LOXHD1: variants seen among roughly 807,000 people sequenced by gnomAD.
The protein encoded by LOXHD1 is lipoxygenase homology PLAT domains 1.
A neutral mutation model predicts 248.2 loss-of-function variants in LOXHD1; 205 were observed. That is an observed-to-expected ratio of 0.83 (90% CI 0.74 to 0.93). LOXHD1 has a LOEUF of 0.93. Ranked by LOEUF, LOXHD1 falls within the 40% of genes least tolerant of loss-of-function variation. The pLI is 0.00. For missense variants in LOXHD1, 2,930 were observed against 2,971.6 expected (o/e 0.99, Z 0.33); for synonymous variants, 1,113 against 1,162.8 (o/e 0.96, Z 0.87).
intron 5 of LOXHD1, among the ~76,000 whole-genome samples, chr18:46,612,730 T>C (rs1463891244): frequency 6.6e-6 from 1 of 152,144 alleles, no homozygotes; most frequent in Non-Finnish European, 1.5e-5. Context: ...AAAAATTTTT[T>C]ATTTTTGTTT....
rs760127693 is a variant in LOXHD1, at chr18:46,547,067, G to T, written c.3351-9C>A. 1 of 1,551,710 alleles carries T rather than the reference G, an allele frequency of 6.4e-7. No individual in the cohort carries two copies. The highest frequency in any genetic ancestry group is 1.2e-5 in the South Asian group (1 of 84,052). On this transcript the variant is annotated splice_polypyrimidine_tract_variant and intron_variant, in intron 21 of 40. Transcript: ENST00000642948. ...GGCATGGAAAGTAGTACCTGTGGGGGTGGATAGGGAAAGATTGGAATGTCC... is the reference window on the plus strand; with the variant it reads ...GGCATGGAAAGTAGTACCTGTGGGGTTGGATAGGGAAAGATTGGAATGTCC...
At chr18:46,593,862 G>A (rs1348150873) in intron 9 of LOXHD1, 102 bp from the exon 10 acceptor site, 3 of 1,276,040 alleles carry the variant, frequency 2.4e-6, no homozygotes, top group Non-Finnish European at 3.3e-6. Context: ...GGACTGAAGG[G>A]CGGGGTATAC....
chr18:46,572,246 T>C (rs2037766830), intron 14 of LOXHD1, 84 bp from the exon 15 acceptor site: 2 of 1,199,674 alleles, frequency 1.7e-6, no homozygotes, highest in African/African-American at 1.5e-5. Context: ...AGAGTCACTA[T>C]GGAGGCCCAG....
In LOXHD1 at chr18:46,577,726, C is replaced by G. The variant is rs769377709; in HGVS notation, c.1951G>C (p.Val651Leu). ...ATGTACCTGAGACATGGGAACTCCA[C>G]GTTGTCGCTCTCAGGCTGCCCCTCC... is the stretch of plus-strand genomic sequence containing the variant. ...REEGQPESDN[V>L]EFPCLRWLDK... The change falls in exon 14 of 41, where the codon GTG becomes CTG. Residue 651 changes from valine to leucine, a missense_variant. Physicochemically the swap from Val to Leu is conservative, Grantham distance 32. Coordinates refer to ENST00000642948, the MANE Select transcript of LOXHD1 (RefSeq NM_001384474.1). 8 of 1,551,356 alleles carry G rather than the reference C, an allele frequency of 5.2e-6. No individual in the cohort carries two copies. Among genetic ancestry groups the G allele is most frequent in the Non-Finnish European group, 7.0e-6 (8 of 1,146,826 alleles).
At position 46,608,035 on chromosome 18, in the gene LOXHD1, G is replaced by GGGAAGGAAGGAAGGAAGGAAACAA. The variant is rs1555685816; in HGVS notation, c.759+2740_759+2741insTTGTTTCCTTCCTTCCTTCCTTCC. Among the ~76,000 whole-genome samples the GGGAAGGAAGGAAGGAAGGAAACAA allele has an allele frequency of 1.7e-3, 184 of 111,362 alleles. 2 individuals are homozygous for GGGAAGGAAGGAAGGAAGGAAACAA. Among genetic ancestry groups the GGGAAGGAAGGAAGGAAGGAAACAA allele is most frequent in the African/African-American group, 5.5e-3 (169 of 30,788 alleles). The allele number at this position is 111,362 out of a possible 152,430, so 73.1% of individuals were successfully genotyped here. A position where few individuals can be genotyped will look rare whatever the true frequency, so the allele number is the denominator to read the frequency against. On this transcript the variant is annotated intron_variant, in intron 6 of 40. Coordinates refer to ENST00000642948, the MANE Select transcript of LOXHD1 (RefSeq NM_001384474.1). The stretch of plus-strand genomic sequence containing the variant: ...TTAAAAACAAACACGGAAGGAAGGA[G>GGGAAGGAAGGAAGGAAGGAAACAA]GGAAGGAAGGAAGGAAGGAAGGAAG...
intron 37 of LOXHD1, among the ~76,000 whole-genome samples, chr18:46,504,325 C>A (rs537393293): frequency 4.3e-4 from 66 of 152,252 alleles, no homozygotes; most frequent in African/African-American, 1.4e-3. Context: ...AGGCTAGTCT[C>A]AAATTCCTGG....
intron 37 of LOXHD1, among the ~76,000 whole-genome samples, chr18:46,489,378 G>C (rs1342728929): frequency 6.6e-6 from 1 of 152,198 alleles, no homozygotes; most frequent in Non-Finnish European, 1.5e-5. Context: ...ATGAACCCTA[G>C]AGGATTTGTG....
intron 8 of LOXHD1, among the ~76,000 whole-genome samples, chr18:46,595,556 A>G (rs1392059470): frequency 2.0e-5 from 3 of 152,234 alleles, no homozygotes; most frequent in African/African-American, 4.8e-5. Flanking sequence ...AACAAGGAAT[A>G]TAAGTATTCC....
At chr18:46,518,362 G>A in intron 33 of LOXHD1, 106 bp from the exon 34 acceptor site, 1 of 1,348,798 alleles carries the variant, frequency 7.4e-7, no homozygotes, top group African/African-American at 1.5e-5. Context: ...AAGTTCCACA[G>A]CTCTGGAAAG....
At chr18:46,639,882 C>G in intron 3 of LOXHD1, 82 bp from the exon 4 acceptor site, 1 of 1,476,504 alleles carries the variant, frequency 6.8e-7, no homozygotes. Flanking sequence ...CAGATGTTTA[C>G]TCCAAAGAGA....
intron 14 of LOXHD1, among the ~76,000 whole-genome samples, chr18:46,575,554 T>G (rs2037836921): frequency 7.2e-5 from 11 of 152,174 alleles, no homozygotes; most frequent in Middle Eastern, 3.4e-3. Context: ...CAGATATATA[T>G]AGAGGAAGAT....
intron 34 of LOXHD1, among the ~76,000 whole-genome samples, chr18:46,510,717 A>C (rs953977278): frequency 1.3e-5 from 2 of 152,214 alleles, no homozygotes; most frequent in Non-Finnish European, 2.9e-5. Flanking sequence ...AAATATTGCA[A>C]ATTGAGAACT....
chr18:46,528,316 G>A (rs565140669), intron 29 of LOXHD1, among the ~76,000 whole-genome samples: 35 of 152,216 alleles, frequency 2.3e-4, no homozygotes, highest in African/African-American at 8.2e-4. Flanking sequence ...AGGCTGAGGA[G>A]CAAGGGCGGG....
chr18:46,504,976 A>G (rs1461845254), intron 37 of LOXHD1, among the ~76,000 whole-genome samples: 3 of 152,262 alleles, frequency 2.0e-5, no homozygotes, highest in Non-Finnish European at 4.4e-5. Context: ...CAGAGAAAAT[A>G]AAGTGGCTTA....
At chr18:46,494,310 T>C (rs1409728952) in intron 37 of LOXHD1, among the ~76,000 whole-genome samples, 1 of 152,190 alleles carries the variant, frequency 6.6e-6, no homozygotes, top group Admixed American at 6.5e-5. Flanking sequence ...ATAGAACTGA[T>C]CAATGATTTT....
chr18:46,641,431 G>A (rs2038961877), intron 3 of LOXHD1, among the ~76,000 whole-genome samples: 1 of 152,192 alleles, frequency 6.6e-6, no homozygotes, highest in South Asian at 2.1e-4. Context: ...AGCCCCCAGA[G>A]AGGGCAAGAC....
intron 7 of LOXHD1, 59 bp from the exon 8 acceptor site, chr18:46,601,526 C>T: frequency 6.5e-7 from 1 of 1,549,042 alleles, no homozygotes; most frequent in South Asian, 1.2e-5. Flanking sequence ...TAATATCCCA[C>T]CCCCTCCTCC....
At chr18:46,594,286 G>A (rs1324287787) in intron 9 of LOXHD1, 45 bp downstream of exon 9, 1 of 1,549,764 alleles carries the variant, frequency 6.5e-7, no homozygotes, top group African/African-American at 1.4e-5. Flanking sequence ...GGCCTCTGCT[G>A]ACCCTGGCTG....
At chr18:46,580,176 C>T (rs866891670) in intron 12 of LOXHD1, among the ~76,000 whole-genome samples, 2 of 152,214 alleles carry the variant, frequency 1.3e-5, no homozygotes, top group South Asian at 2.1e-4. Context: ...GAATTGCTTC[C>T]AAGCTTTCTT....
Sources: gnomAD v4.1 joint callset for allele counts (sites outside exome capture counted in the v4.1 genomes callset) on GRCh38, gnomAD v4.1.1 for gene constraint, MANE v1.5 for transcripts, NCBI Gene and HGNC (gene_info 2026-07-23, HGNC 2026-07-21) for gene names.